ATIC: variants seen among roughly 807,000 people sequenced by gnomAD.
ATIC encodes 5-aminoimidazole-4-carboxamide ribonucleotide formyltransferase/IMP cyclohydrolase.
In ATIC, 64 loss-of-function variants were observed where a neutral mutation model predicts 72.5. That is an observed-to-expected ratio of 0.88 (90% CI 0.72 to 1.09). ATIC has a LOEUF of 1.09. Ranked by LOEUF, ATIC falls within the 50% of genes least tolerant of loss-of-function variation. The pLI is 0.00. For missense variants in ATIC, 787 were observed against 732.4 expected (o/e 1.07, Z -0.86); for synonymous variants, 281 against 267.1 (o/e 1.05, Z -0.51).
At chr2:215,342,345 T>C (rs1392405566) in intron 12 of ATIC, among the ~76,000 whole-genome samples, 1 of 23,374 alleles carries the variant, frequency 4.3e-5, no homozygotes, top group African/African-American at 2.2e-4. Flanking sequence ...CCTAATAGCT[T>C]TTTTTAAATT....
intron 14 of ATIC, among the ~76,000 whole-genome samples, chr2:215,348,498 T>TA (rs1032430005): frequency 6.6e-6 from 1 of 151,984 alleles, no homozygotes; most frequent in Non-Finnish European, 1.5e-5. Context: ...TAGCCAAAAA[T>TA]AAAAAAAATT....
intron 7 of ATIC, among the ~76,000 whole-genome samples, chr2:215,330,494 C>T (rs993327550): frequency 2.0e-5 from 3 of 152,024 alleles, no homozygotes; most frequent in African/African-American, 7.2e-5. Flanking sequence ...ACTGATGAAC[C>T]GATTTTGATT....
chr2:215,361,899 T>A, the ATIC span: 1 of 1,587,564 alleles, frequency 6.3e-7, no homozygotes, highest in Admixed American at 1.7e-5. Flanking sequence ...TGGTTCATTC[T>A]GAAGAAAGAT....
chr2:215,326,735 A>T, intron 6 of ATIC, 87 bp from the exon 7 acceptor site: 1 of 1,504,554 alleles, frequency 6.6e-7, no homozygotes, highest in Non-Finnish European at 9.2e-7. Flanking sequence ...TAGTGAGGAG[A>T]TGTTGTTTGC....
rs1244531323 is a variant in ATIC, at chr2:215,312,593, A to G, written c.115A>G (p.Lys39Glu). Residue 39 changes from lysine to glutamate, a missense_variant, in exon 2 of 16, where the codon AAA becomes GAA. Physicochemically the swap from Lys to Glu is moderately conservative, Grantham distance 56. Transcript: ENST00000236959. ...LNLVASGGTA[K>E]ALRDAGLAVR... The stretch of plus-strand genomic sequence containing the variant: ...TCTGGTCGCTTCCGGAGGGACTGCA[A>G]AAGCTCTCAGGGATGCTGGTCTGGC... The G allele has an allele frequency of 5.6e-6, 9 of 1,614,232 alleles. No individual in the cohort carries two copies. Among genetic ancestry groups the G allele is most frequent in the Middle Eastern group, 1.6e-4 (1 of 6,062 alleles).
chr2:215,334,923 T>C lies in ATIC; in HGVS notation c.927T>C (p.Ala309=). 2 of 1,613,102 alleles carry C rather than the reference T, an allele frequency of 1.2e-6. No individual in the cohort carries two copies. The highest frequency in any genetic ancestry group is 1.7e-6 in the Non-Finnish European group (2 of 1,179,290). The change falls in exon 10 of 16, where the codon GCT becomes GCC. Residue 309 remains alanine (A), a synonymous_variant. Coordinates refer to ENST00000236959, the MANE Select transcript of ATIC (RefSeq NM_004044.7). Reference sequence around the variant, plus strand: ...TCATTTTAATTTTATTTACAGGGGCTGATAGGATGTCTTCATTTGGTGATT... The same window carrying C: ...TCATTTTAATTTTATTTACAGGGGCCGATAGGATGTCTTCATTTGGTGATT... ...ISAAYARARG[A]DRMSSFGDFV...
chr2:215,346,426 G>T (rs1044300985), intron 13 of ATIC, among the ~76,000 whole-genome samples: 4 of 151,570 alleles, frequency 2.6e-5, no homozygotes, highest in Admixed American at 2.6e-4. Flanking sequence ...CTCACAAAGT[G>T]CTGGGATTAC....
chr2:215,340,181 C>T (rs2053004340), intron 12 of ATIC, among the ~76,000 whole-genome samples: 1 of 152,138 alleles, frequency 6.6e-6, no homozygotes, highest in Non-Finnish European at 1.5e-5. Flanking sequence ...GTAGTAAGGA[C>T]ACGTTCCTAG....
rs765791354 is a variant in ATIC, at chr2:215,325,287, C to G, written c.337C>G (p.Pro113Ala). The G allele has an allele frequency of 1.9e-6, 3 of 1,613,826 alleles. No homozygotes were observed. Among genetic ancestry groups the G allele is most frequent in the South Asian group, 2.2e-5 (2 of 91,058 alleles). Residue 113 changes from proline (P) to alanine (A), a missense_variant, in exon 5 of 16, where the codon CCA (proline) becomes GCA (alanine). Coordinates refer to ENST00000236959, the MANE Select transcript of ATIC (RefSeq NM_004044.7). ...LYPFVKTVAS[P>A]GVTVEEAVEQ... Reference sequence around the variant, plus strand: ...TCCCTTTGTAAAGACAGTGGCTTCTCCAGGTGTAACTGTTGAGGAGGCTGT... The same window carrying G: ...TCCCTTTGTAAAGACAGTGGCTTCTGCAGGTGTAACTGTTGAGGAGGCTGT...
chr2:215,322,328 T>C (rs2052776696), intron 4 of ATIC, among the ~76,000 whole-genome samples: 1 of 149,730 alleles, frequency 6.7e-6, no homozygotes, highest in Admixed American at 6.6e-5. Flanking sequence ...ATATTTTCTT[T>C]CTTTTTTTTT....
chr2:215,345,412 T>A (rs1028130547), intron 13 of ATIC: 1 of 170,754 alleles, frequency 5.9e-6, no homozygotes, highest in African/African-American at 2.4e-5. Flanking sequence ...TTTGACCAGT[T>A]TTCACAAATT....
Position 215,312,517 on chromosome 2 carries a change from CAAAA to C in ATIC, c.40_43del (p.Lys14ProfsTer10). On this transcript the variant is annotated frameshift_variant, in exon 2 of 16. Coordinates refer to ENST00000236959, the MANE Select transcript of ATIC (RefSeq NM_004044.7). LOFTEE classifies it high-confidence loss of function. ...TTTCAGCCTTATTTAGTGTCTCTGA[CAAAA>C]CCGGCCTTGTGGAATTTGCAAGAAA... 2 of 1,614,202 alleles carry C rather than the reference CAAAA, an allele frequency of 1.2e-6. No individual in the cohort carries two copies. The highest frequency in any genetic ancestry group is 1.7e-6 in the Non-Finnish European group (2 of 1,180,034).
At chr2:215,312,913 A>G (rs2052670355) in intron 2 of ATIC, among the ~76,000 whole-genome samples, 1 of 152,220 alleles carries the variant, frequency 6.6e-6, no homozygotes, top group Non-Finnish European at 1.5e-5. Context: ...AGCCTGGCCA[A>G]CATGGTGAAA....
the ATIC span, chr2:215,367,909 GCACAA>G: frequency 6.2e-7 from 1 of 1,614,092 alleles, no homozygotes; most frequent in East Asian, 2.2e-5. Flanking sequence ...CTAAGCACTG[GCACAA>G]CAGTTTAAAG....
chr2:215,349,374 A>G (rs903810572), intron 15 of ATIC, 125 bp downstream of exon 15: 1 of 1,572,100 alleles, frequency 6.4e-7, no homozygotes, highest in Admixed American at 1.7e-5. Context: ...TCAGAGAACC[A>G]TTTGACTTCT....
At chr2:215,315,442 G>A (rs1056970408) in intron 2 of ATIC, among the ~76,000 whole-genome samples, 1 of 152,026 alleles carries the variant, frequency 6.6e-6, no homozygotes, top group African/African-American at 2.4e-5. Flanking sequence ...TTGCAGCCTC[G>A]ATCTCCCAGG....
At chr2:215,318,736 T>A (rs1179986603) in intron 3 of ATIC, among the ~76,000 whole-genome samples, 4 of 152,152 alleles carry the variant, frequency 2.6e-5, no homozygotes, top group Non-Finnish European at 5.9e-5. Context: ...TGGCTACAGA[T>A]CATCAGACAA....
the ATIC span, among the ~76,000 whole-genome samples, chr2:215,363,964 A>G: frequency 6.6e-6 from 1 of 152,160 alleles, no homozygotes; most frequent in African/African-American, 2.4e-5. Flanking sequence ...ACCAAAGCCC[A>G]CCTGGGCCAG....
At chr2:215,360,194 T>C in the ATIC span, among the ~76,000 whole-genome samples, 1 of 152,178 alleles carries the variant, frequency 6.6e-6, no homozygotes, top group African/African-American at 2.4e-5. Context: ...TGCCTCAGCC[T>C]CCCAAAGTGC....
Sources: gnomAD v4.1 joint callset for allele counts (sites outside exome capture counted in the v4.1 genomes callset) on GRCh38, gnomAD v4.1.1 for gene constraint, MANE v1.5 for transcripts, NCBI Gene and HGNC (gene_info 2026-07-23, HGNC 2026-07-21) for gene names.